Variants in MEIS2 observed in about 807,000 individuals in gnomAD.
MEIS2 encodes the protein Meis homeobox 2.
A neutral mutation model predicts 58.6 loss-of-function variants in MEIS2; 9 were observed. The observed-to-expected ratio is 0.15, with a 90% CI of 0.09 to 0.27. The LOEUF (loss-of-function observed/expected upper bound fraction) is 0.27, where lower values mean the gene tolerates loss of function less well. Ranked by LOEUF, MEIS2 falls within the 10% of genes least tolerant of loss-of-function variation. The pLI is 1.00. For missense variants in MEIS2, 427 were observed against 635.0 expected (o/e 0.67, Z 3.52); for synonymous variants, 221 against 228.4 (o/e 0.97, Z 0.29).
intron 9 of MEIS2, among the ~76,000 whole-genome samples, chr15:36,903,652 A>G (rs1426638155): frequency 6.6e-6 from 1 of 152,214 alleles, no homozygotes; most frequent in Non-Finnish European, 1.5e-5. Flanking sequence ...CCTATTCTGT[A>G]TCTGAGCACT....
intron 8 of MEIS2, among the ~76,000 whole-genome samples, chr15:36,968,302 C>A (rs12438116): frequency 0.57 from 86,994 of 151,936 alleles, 26,047 homozygotes; most frequent in East Asian, 0.86. Context: ...TTAGAAATTT[C>A]TTTGTAGGAA....
chr15:36,943,828 C>A (rs2058461818), intron 9 of MEIS2, among the ~76,000 whole-genome samples: 1 of 152,008 alleles, frequency 6.6e-6, no homozygotes, highest in South Asian at 2.1e-4. Flanking sequence ...GCAAACCTCC[C>A]CTTTGAGTCC....
chr15:36,916,392 A>G (rs1262149972), intron 9 of MEIS2, among the ~76,000 whole-genome samples: 2 of 145,560 alleles, frequency 1.4e-5, no homozygotes, highest in African/African-American at 5.2e-5. Flanking sequence ...GCACCGCTGC[A>G]CTCCAGCCTG....
At chr15:36,924,527 C>A (rs184690908) in intron 9 of MEIS2, among the ~76,000 whole-genome samples, 169 of 152,300 alleles carry the variant, frequency 1.1e-3, no homozygotes, top group Non-Finnish European at 1.9e-3. Context: ...ATATGAAATA[C>A]ACATAGGCAG....
chr15:36,973,460 T>A (rs530910278), intron 8 of MEIS2, among the ~76,000 whole-genome samples: 1 of 152,346 alleles, frequency 6.6e-6, no homozygotes, highest in South Asian at 2.1e-4. Context: ...AAAGCTTAGA[T>A]CTGCATTCTT....
intron 8 of MEIS2, among the ~76,000 whole-genome samples, chr15:36,976,317 C>A (rs1295756771): frequency 6.6e-6 from 1 of 151,970 alleles, no homozygotes; most frequent in Non-Finnish European, 1.5e-5. Context: ...AACTCCTGAC[C>A]TTGTGATTCA....
At chr15:36,939,781 A>T in intron 9 of MEIS2, among the ~76,000 whole-genome samples, 1 of 152,074 alleles carries the variant, frequency 6.6e-6, no homozygotes, top group East Asian at 1.9e-4. Context: ...TTGTATAAAG[A>T]TTTTCTGTTG....
intron 9 of MEIS2, among the ~76,000 whole-genome samples, chr15:36,934,266 G>GTT (rs796949461): frequency 6.9e-6 from 1 of 145,110 alleles, no homozygotes; most frequent in Admixed American, 6.9e-5. Context: ...ACCCATTTGT[G>GTT]TTTTTTTTTT....
At chr15:37,008,615 T>C (rs2061008333) in intron 8 of MEIS2, among the ~76,000 whole-genome samples, 1 of 152,238 alleles carries the variant, frequency 6.6e-6, no homozygotes, top group African/African-American at 2.4e-5. Context: ...TTTAATATAC[T>C]GTCAAAGTGA....
At chr15:37,034,339 A>G (rs1317946877) in intron 8 of MEIS2, among the ~76,000 whole-genome samples, 1 of 152,214 alleles carries the variant, frequency 6.6e-6, no homozygotes, top group Non-Finnish European at 1.5e-5. Flanking sequence ...CAGAGCATGA[A>G]TGCAGACTTC....
chr15:36,950,050 G>A (rs1219637967), intron 9 of MEIS2, among the ~76,000 whole-genome samples: 1 of 151,880 alleles, frequency 6.6e-6, no homozygotes, highest in Non-Finnish European at 1.5e-5. Flanking sequence ...AAGCATCAGA[G>A]ATGGGAAAAG....
chr15:37,010,146 G>A (rs756279532), intron 8 of MEIS2, among the ~76,000 whole-genome samples: 6 of 151,956 alleles, frequency 3.9e-5, no homozygotes, highest in Non-Finnish European at 7.4e-5. Context: ...GGAGTGCAGT[G>A]GCGCGATCTC....
intron 7 of MEIS2, among the ~76,000 whole-genome samples, chr15:37,071,225 T>G (rs1471790964): frequency 6.6e-6 from 1 of 152,102 alleles, no homozygotes; most frequent in Non-Finnish European, 1.5e-5. Context: ...GCCTAAAACA[T>G]AGAAACTGTC....
At chr15:36,934,672 G>C (rs1441118736) in intron 9 of MEIS2, among the ~76,000 whole-genome samples, 2 of 152,140 alleles carry the variant, frequency 1.3e-5, no homozygotes, top group Non-Finnish European at 2.9e-5. Context: ...GCTTTGCCTA[G>C]CATGAAATGC....
intron 7 of MEIS2, among the ~76,000 whole-genome samples, chr15:37,055,230 G>C (rs988489880): frequency 6.6e-6 from 1 of 152,104 alleles, no homozygotes; most frequent in Non-Finnish European, 1.5e-5. Flanking sequence ...CCAAGATTTT[G>C]TGGTTGATCA....
rs1034719485 is a variant in MEIS2 at position 37,099,737 on chromosome 15, C to T, written c.-271G>A. ...TCCTCCTCCTCCACCTCCTCCTCCT[C>T]CCCCCTCCCCTCCTCCTCCTCTTCG... On this transcript the variant is annotated 5_prime_UTR_variant, in exon 1 of 12. Transcript: ENST00000561208. 3 of 397,456 alleles carry T rather than the reference C, an allele frequency of 7.5e-6. No individual in the cohort carries two copies. The highest frequency in any genetic ancestry group is 8.7e-5 in the Admixed American group (2 of 23,060). The allele number at this position is 397,456 out of a possible 1,614,324, so 24.6% of individuals were successfully genotyped here.
At chr15:37,055,574 A>G (rs1276839761) in intron 7 of MEIS2, among the ~76,000 whole-genome samples, 1 of 152,128 alleles carries the variant, frequency 6.6e-6, no homozygotes, top group South Asian at 2.1e-4. Flanking sequence ...AGTAAAATTG[A>G]TTCATCTCAC....
intron 8 of MEIS2, among the ~76,000 whole-genome samples, chr15:36,974,976 C>A (rs964248954): frequency 6.6e-6 from 1 of 152,150 alleles, no homozygotes; most frequent in African/African-American, 2.4e-5. Flanking sequence ...GATGGGAAAT[C>A]CCTCCATAGA....
chr15:36,980,071 A>G (rs8034391), intron 8 of MEIS2, among the ~76,000 whole-genome samples: 12,862 of 151,922 alleles, frequency 0.085, 627 homozygotes, highest in African/African-American at 0.12. Flanking sequence ...CCTCTATTGT[A>G]TTAAACTCCC....
Sources: allele counts gnomAD v4.1 joint callset (sites outside exome capture counted in the v4.1 genomes callset), GRCh38; gene constraint gnomAD v4.1.1; transcripts MANE v1.5; gene names NCBI Gene and HGNC (gene_info 2026-07-23, HGNC 2026-07-21).